The following ABTB3 variants were observed in gnomAD, a reference collection of about 807,000 sequenced individuals.
ABTB3 encodes the protein ankyrin repeat and BTB domain containing 3, also known as ankyrin repeat- and BTB/POZ domain-containing protein 3.
At chr12:107,457,221 G>A in the ABTB3 span, among the ~76,000 whole-genome samples, 4 of 152,188 alleles carry the variant, frequency 2.6e-5, no homozygotes, top group African/African-American at 9.7e-5. Context: ...GTTCACAGCT[G>A]CCTGTGTTAG....
chr12:107,657,594 A>C, the ABTB3 span: 1 of 1,614,214 alleles, frequency 6.2e-7, no homozygotes, highest in South Asian at 1.1e-5. Context: ...GAAGCATTCA[A>C]GCAGCTCCTG....
chr12:107,562,387 C>G, the ABTB3 span, among the ~76,000 whole-genome samples: 1 of 152,156 alleles, frequency 6.6e-6, no homozygotes. Context: ...GAGCAGAGAT[C>G]TAAAGAAAGT....
the ABTB3 span, among the ~76,000 whole-genome samples, chr12:107,476,159 T>TG: frequency 2.0e-5 from 3 of 152,166 alleles, no homozygotes; most frequent in Non-Finnish European, 4.4e-5. Flanking sequence ...CTGGCTAGCC[T>TG]GGCCCCCGGC....
At chr12:107,398,286 T>A in the ABTB3 span, among the ~76,000 whole-genome samples, 3 of 152,200 alleles carry the variant, frequency 2.0e-5, no homozygotes, top group Non-Finnish European at 4.4e-5. Flanking sequence ...GCCTGGTGTT[T>A]ATGCATGCCT....
At chr12:107,619,471 G>T in the ABTB3 span, among the ~76,000 whole-genome samples, 1 of 152,150 alleles carries the variant, frequency 6.6e-6, no homozygotes, top group Non-Finnish European at 1.5e-5. Context: ...AGCTGTAAAT[G>T]GTGAAGTCCA....
chr12:107,373,934 C>T, the ABTB3 span, among the ~76,000 whole-genome samples: 1 of 152,212 alleles, frequency 6.6e-6, no homozygotes, highest in South Asian at 2.1e-4. Context: ...GTGGAGTCTG[C>T]GCAGACAGCT....
the ABTB3 span, among the ~76,000 whole-genome samples, chr12:107,505,927 T>A: frequency 6.6e-6 from 1 of 152,194 alleles, no homozygotes; most frequent in Non-Finnish European, 1.5e-5. Context: ...CTTTATCCAG[T>A]CTACCACTGA....
At chr12:107,508,452 T>C in the ABTB3 span, among the ~76,000 whole-genome samples, 4 of 119,114 alleles carry the variant, frequency 3.4e-5, no homozygotes, top group African/African-American at 9.3e-5. Flanking sequence ...TTTTTTTTTT[T>C]TTTTTTTTTT....
the ABTB3 span, among the ~76,000 whole-genome samples, chr12:107,499,362 C>CTGTGTGTGTGTG: frequency 6.0e-5 from 9 of 149,680 alleles, no homozygotes; most frequent in African/African-American, 2.0e-4. Context: ...AAGAGGGAAG[C>CTGTGTGTGTGTG]TGTGTGTGTG....
At chr12:107,634,185 G>A in the ABTB3 span, among the ~76,000 whole-genome samples, 7 of 152,204 alleles carry the variant, frequency 4.6e-5, no homozygotes, top group South Asian at 4.2e-4. Context: ...CTTCTGCCTC[G>A]GGAACACAAT....
At chr12:107,353,948 A>G in the ABTB3 span, among the ~76,000 whole-genome samples, 1 of 152,156 alleles carries the variant, frequency 6.6e-6, no homozygotes. Context: ...GGTGCCAAAA[A>G]GATTGGAGAT....
the ABTB3 span, among the ~76,000 whole-genome samples, chr12:107,488,467 C>G: frequency 1.3e-5 from 2 of 152,070 alleles, no homozygotes; most frequent in African/African-American, 4.8e-5. Context: ...TAAGGAGTGA[C>G]CAAGAAATGC....
the ABTB3 span, among the ~76,000 whole-genome samples, chr12:107,536,951 A>G: frequency 5.3e-5 from 8 of 152,344 alleles, no homozygotes; most frequent in East Asian, 1.5e-3. Flanking sequence ...AACACTATTT[A>G]TAAAACCAAG....
the ABTB3 span, among the ~76,000 whole-genome samples, chr12:107,635,733 C>T: frequency 6.6e-6 from 1 of 152,070 alleles, no homozygotes; most frequent in Non-Finnish European, 1.5e-5. Flanking sequence ...CCCCCAAACT[C>T]TCCCCTCTAA....
chr12:107,587,616 T>A, the ABTB3 span, among the ~76,000 whole-genome samples: 1 of 152,158 alleles, frequency 6.6e-6, no homozygotes, highest in Non-Finnish European at 1.5e-5. Context: ...TCTGTACACT[T>A]AAAGATGGGT....
the ABTB3 span, chr12:107,635,022 G>A: frequency 3.1e-6 from 1 of 326,884 alleles, no homozygotes; most frequent in Non-Finnish European, 5.5e-6. Context: ...CTTTCCAGTA[G>A]GTAGCGAATC....
chr12:107,614,530 C>G, the ABTB3 span, among the ~76,000 whole-genome samples: 1 of 152,066 alleles, frequency 6.6e-6, no homozygotes, highest in Non-Finnish European at 1.5e-5. Context: ...GTGTGGATGG[C>G]ATGGTAGTGG....
At chr12:107,435,901 G>A in the ABTB3 span, among the ~76,000 whole-genome samples, 5 of 152,198 alleles carry the variant, frequency 3.3e-5, no homozygotes, top group Admixed American at 2.6e-4. Context: ...TATTAGCCAC[G>A]TGTGGCTGTT....
the ABTB3 span, among the ~76,000 whole-genome samples, chr12:107,482,727 C>T: frequency 3.3e-5 from 5 of 152,058 alleles, no homozygotes; most frequent in South Asian, 8.3e-4. Context: ...AGGATATCTC[C>T]TCTTCCTGGC....
Sources: gnomAD v4.1 joint callset for allele counts (sites outside exome capture counted in the v4.1 genomes callset) on GRCh38, gnomAD v4.1.1 for gene constraint, MANE v1.5 for transcripts, NCBI Gene and HGNC (gene_info 2026-07-23, HGNC 2026-07-21) for gene names.